The following ST6GALNAC3 variants were observed in gnomAD, a reference collection of about 807,000 sequenced individuals.
ST6GALNAC3 encodes ST6 N-acetylgalactosaminide alpha-2,6-sialyltransferase 3.
ST6GALNAC3 carries 25 observed loss-of-function variants against 32.7 expected under a neutral mutation model. The ratio of observed to expected loss-of-function variants is 0.76; its 90% confidence interval spans 0.56 to 1.07. ST6GALNAC3 has a LOEUF of 1.07. Among genes scored for constraint, ST6GALNAC3 ranks in the 50% least tolerant of loss-of-function variants. ST6GALNAC3 has a pLI of 0.00. For synonymous variants in ST6GALNAC3, 129 were observed against 133.1 expected (o/e 0.97, Z 0.21); for missense variants, 355 against 382.4 (o/e 0.93, Z 0.60).
In ST6GALNAC3 at chr1:76,580,015, C is replaced by A. The variant is rs950145957; in HGVS notation, c.624-47437C>A. On this transcript the variant is annotated intron_variant, in intron 3 of 4. Transcript: ENST00000328299. Reference sequence around the variant, plus strand: ...GATATTTTTATAATAAAAATTTCCTCCTTTTTATTCTTTGGTGACCAGTAG... The same window carrying A: ...GATATTTTTATAATAAAAATTTCCTACTTTTTATTCTTTGGTGACCAGTAG... 2.0e-5 allele frequency among the ~76,000 whole-genome samples: 3 copies of A among 152,002 alleles called. No individual in the cohort carries two copies. In the South Asian group the frequency reaches 6.2e-4, roughly 31 times the overall value.
chr1:76,581,514 C>T (rs1010445487), intron 3 of ST6GALNAC3, among the ~76,000 whole-genome samples: 6 of 152,100 alleles, frequency 3.9e-5, no homozygotes, highest in African/African-American at 1.4e-4. Context: ...TTCCTAAACA[C>T]TCACTAAATT....
intron 3 of ST6GALNAC3, among the ~76,000 whole-genome samples, chr1:76,440,891 C>T (rs998069308): frequency 1.3e-5 from 2 of 151,622 alleles, no homozygotes; most frequent in African/African-American, 4.8e-5. Context: ...AGTTCGAGAC[C>T]AGCCTGGCCA....
chr1:76,341,782 C>T (rs112976266), intron 2 of ST6GALNAC3, among the ~76,000 whole-genome samples: 36,512 of 150,596 alleles, frequency 0.24, 5,865 homozygotes, highest in African/African-American at 0.45. Flanking sequence ...CATAGGTATA[C>T]ATGGGCCATG....
chr1:76,164,943 GTTT>G (rs941978266), intron 1 of ST6GALNAC3, among the ~76,000 whole-genome samples: 1 of 152,126 alleles, frequency 6.6e-6, no homozygotes, highest in African/African-American at 2.4e-5. Flanking sequence ...GTGTGTGTGT[GTTT>G]TTAAGATTTA....
At chr1:76,301,227 C>G (rs1215536576) in intron 1 of ST6GALNAC3, among the ~76,000 whole-genome samples, 1 of 151,940 alleles carries the variant, frequency 6.6e-6, no homozygotes, top group Non-Finnish European at 1.5e-5. Context: ...CTCAGAGGAA[C>G]AGTATAGGTA....
intron 2 of ST6GALNAC3, among the ~76,000 whole-genome samples, chr1:76,374,295 A>G (rs1447001967): frequency 1.3e-5 from 2 of 152,226 alleles, no homozygotes; most frequent in Non-Finnish European, 2.9e-5. Flanking sequence ...TATATCAAGC[A>G]GCTGTTGTAC....
At chr1:76,126,609 G>A (rs1347307355) in intron 1 of ST6GALNAC3, among the ~76,000 whole-genome samples, 2 of 152,104 alleles carry the variant, frequency 1.3e-5, no homozygotes, top group Admixed American at 6.5e-5. Context: ...GCTCTGAGAC[G>A]CAGCACTCAG....
At chr1:76,626,441 T>C (rs542799169) in intron 3 of ST6GALNAC3, among the ~76,000 whole-genome samples, 1 of 151,934 alleles carries the variant, frequency 6.6e-6, no homozygotes, top group Non-Finnish European at 1.5e-5. Context: ...AAGACAAATA[T>C]GGAGATCCAG....
intron 3 of ST6GALNAC3, chr1:76,576,914 AAAGG>A (rs1403466228): frequency 1.5e-5 from 19 of 1,300,692 alleles, no homozygotes; most frequent in African/African-American, 3.0e-5. Flanking sequence ...CCCCACCACA[AAAGG>A]AAGGAAGGAA....
rs1286290625 is a variant in ST6GALNAC3, at chr1:76,075,240, G to C, written c.18+356G>C. Among the ~76,000 whole-genome samples the C allele has an allele frequency of 3.9e-5, 6 of 152,320 alleles. No homozygotes were observed. In the East Asian group the frequency reaches 1.2e-3, roughly 30 times the overall value. On this transcript the variant is annotated intron_variant, in intron 1 of 4. Coordinates refer to ENST00000328299, the MANE Select transcript of ST6GALNAC3 (RefSeq NM_152996.4). ...AGCCTGAGGCCTTTCAGGGGCCACG[G>C]GGAGGGGTGGAGTGGCTAGGCGTGA...
chr1:76,404,761 A>C (rs1653696605), intron 2 of ST6GALNAC3, among the ~76,000 whole-genome samples: 1 of 152,098 alleles, frequency 6.6e-6, no homozygotes, highest in Admixed American at 6.6e-5. Context: ...TTCAACATTA[A>C]AGTAGTAAAT....
chr1:76,408,779 T>A (rs565783551), intron 2 of ST6GALNAC3, among the ~76,000 whole-genome samples: 213 of 152,234 alleles, frequency 1.4e-3, no homozygotes, highest in African/African-American at 4.9e-3. Context: ...TTTTTGATTG[T>A]TTAAATTTGT....
At chr1:76,404,198 A>C (rs1653644640) in intron 2 of ST6GALNAC3, among the ~76,000 whole-genome samples, 1 of 152,118 alleles carries the variant, frequency 6.6e-6, no homozygotes, top group African/African-American at 2.4e-5. Context: ...ATAGAGTCAG[A>C]GCTAAACCAT....
chr1:76,251,985 G>A (rs572759625), intron 1 of ST6GALNAC3, among the ~76,000 whole-genome samples: 4 of 152,282 alleles, frequency 2.6e-5, no homozygotes, highest in East Asian at 3.9e-4. Flanking sequence ...ACATGCTCAG[G>A]TTTCAAATTA....
chr1:76,277,563 T>C lies in ST6GALNAC3; in HGVS notation c.19-36242T>C, dbSNP rs770597899. 3.7e-3 allele frequency among the ~76,000 whole-genome samples: 205 copies of C among 55,426 alleles called. 3 individuals are homozygous for C. The highest frequency in any genetic ancestry group is 5.3e-3 in the Non-Finnish European group (154 of 28,978). The allele number at this position is 55,426 out of a possible 152,430, so 36.4% of individuals were successfully genotyped here. A position where few individuals can be genotyped will look rare whatever the true frequency, so the allele number is the denominator to read the frequency against. Reference sequence around the variant, plus strand: ...ATATATATATATATATATATATATATATATACACACACACATATGTTTATG... The same window carrying C: ...ATATATATATATATATATATATATACATATACACACACACATATGTTTATG... On this transcript the variant is annotated intron_variant, in intron 1 of 4. Coordinates refer to ENST00000328299, the MANE Select transcript of ST6GALNAC3 (RefSeq NM_152996.4).
chr1:76,254,887 A>G (rs566056409), intron 1 of ST6GALNAC3, among the ~76,000 whole-genome samples: 24 of 152,082 alleles, frequency 1.6e-4, no homozygotes, highest in Non-Finnish European at 2.9e-4. Context: ...GAGCAGGAAC[A>G]ATGAAACAGC....
intron 1 of ST6GALNAC3, among the ~76,000 whole-genome samples, chr1:76,299,915 G>A (rs908954184): frequency 2.0e-5 from 3 of 151,858 alleles, no homozygotes; most frequent in Non-Finnish European, 2.9e-5. Context: ...GCTTTATGTA[G>A]CACCATTTCT....
intron 3 of ST6GALNAC3, among the ~76,000 whole-genome samples, chr1:76,431,784 C>A (rs375787794): frequency 3.3e-5 from 5 of 152,132 alleles, no homozygotes; most frequent in South Asian, 2.1e-4. Context: ...ACATCCCCCC[C>A]GCCCAGAGTG....
intron 2 of ST6GALNAC3, among the ~76,000 whole-genome samples, chr1:76,379,370 C>T (rs1247304253): frequency 1.3e-5 from 2 of 152,170 alleles, no homozygotes; most frequent in African/African-American, 4.8e-5. Flanking sequence ...AAATCTCCCA[C>T]CATGAATTTT....
Sources: allele counts gnomAD v4.1 joint callset (sites outside exome capture counted in the v4.1 genomes callset), GRCh38; gene constraint gnomAD v4.1.1; transcripts MANE v1.5; gene names NCBI Gene and HGNC (gene_info 2026-07-23, HGNC 2026-07-21).